PREX2: variants seen among roughly 807,000 people sequenced by gnomAD.
PREX2 encodes the protein phosphatidylinositol-3,4,5-trisphosphate dependent Rac exchange factor 2.
In PREX2, 107 loss-of-function variants were observed where a neutral mutation model predicts 203.2. That is an observed-to-expected ratio of 0.53 (90% CI 0.45 to 0.62). The LOEUF (loss-of-function observed/expected upper bound fraction) is 0.62. Among genes scored for constraint, PREX2 ranks in the 20% least tolerant of loss-of-function variants. PREX2 has a pLI of 0.00. For missense variants in PREX2, 1,777 were observed against 1,955.9 expected, an observed-to-expected ratio of 0.91 and a Z score of 1.72; for synonymous variants, 672 against 663.6, an observed-to-expected ratio of 1.01 and a Z score of -0.19.
intron 11 of PREX2, 103 bp downstream of exon 11, chr8:68,060,882 CTTG>C: frequency 1.3e-6 from 1 of 763,504 alleles, no homozygotes; most frequent in South Asian, 1.9e-5. Context: ...TTATAGGATG[CTTG>C]TTGTTTTTAA....
At chr8:68,192,048 C>A (rs1359657010) in intron 36 of PREX2, among the ~76,000 whole-genome samples, 2 of 152,166 alleles carry the variant, frequency 1.3e-5, no homozygotes, top group African/African-American at 4.8e-5. Flanking sequence ...ATCAACCCAT[C>A]ACCTACATTA....
At chr8:68,161,018 A>G (rs1811642300) in intron 35 of PREX2, among the ~76,000 whole-genome samples, 2 of 152,184 alleles carry the variant, frequency 1.3e-5, no homozygotes. Flanking sequence ...AATCTTAATC[A>G]GCTTTGACCA....
intron 7 of PREX2, among the ~76,000 whole-genome samples, chr8:68,043,649 C>A (rs1032184092): frequency 1.3e-5 from 2 of 152,018 alleles, no homozygotes; most frequent in Admixed American, 1.3e-4. Flanking sequence ...ATGGAAATCT[C>A]TTGAGTGACT....
chr8:68,090,709 A>G lies in PREX2; in HGVS notation c.2244A>G (p.Pro748=), dbSNP rs1184732330. ...HVTACRKYRR[P]TKQDSIQWVY... is the part of the protein sequence containing the mutation. ...CAGCCTGCAGGAAGTACAGGCGGCC[A>G]ACGAAGGTAAGTGGCCCTTCAGATA... Residue 748 remains proline (P), a synonymous_variant, in exon 20 of 40, where the codon CCA becomes CCG. Transcript: ENST00000288368. 1.2e-6 allele frequency: 2 copies of G among 1,613,180 alleles called. No individual in the cohort carries two copies. Among genetic ancestry groups the G allele is most frequent in the Non-Finnish European group, 1.7e-6 (2 of 1,179,288 alleles).
At chr8:67,972,324 A>G (rs111859118) in intron 1 of PREX2, among the ~76,000 whole-genome samples, 85 of 152,330 alleles carry the variant, frequency 5.6e-4, no homozygotes, top group African/African-American at 1.9e-3. Context: ...TGTTTATGCC[A>G]TCAGATATAG....
In PREX2 at chr8:68,088,608, A is replaced by C. The variant is rs537023343; in HGVS notation, c.2113+799A>C. Among the ~76,000 whole-genome samples the C allele has an allele frequency of 1.0e-3, 147 of 141,648 alleles. 2 individuals are homozygous for C. In the Middle Eastern group the frequency reaches 0.015, roughly 15 times the overall value. The allele number at this position is 141,648 out of a possible 152,430, so 92.9% of individuals were successfully genotyped here. A position where few individuals can be genotyped will look rare whatever the true frequency, so the allele number is the denominator to read the frequency against. ...CAAATTTATCAAGGACATACTAGCT[A>C]GACCTTTATTATAACATTACTTTCA... On this transcript the variant is annotated intron_variant, in intron 19 of 39. Coordinates refer to ENST00000288368, the MANE Select transcript of PREX2 (RefSeq NM_024870.4).
intron 17 of PREX2, chr8:68,082,569 A>G (rs1809562518): frequency 6.6e-6 from 1 of 152,274 alleles, no homozygotes; most frequent in African/African-American, 2.4e-5. Context: ...GCACAGCTGC[A>G]TCTGACTATG....
At chr8:68,130,114 CAAAA>C (rs71253064) in intron 31 of PREX2, among the ~76,000 whole-genome samples, 1 of 102,672 alleles carries the variant, frequency 9.7e-6, no homozygotes, top group African/African-American at 3.8e-5. Context: ...CCTGCCTCTG[CAAAA>C]AAAAAAAAAA....
chr8:68,156,339 T>C (rs1240059451), intron 34 of PREX2, among the ~76,000 whole-genome samples: 1 of 152,194 alleles, frequency 6.6e-6, no homozygotes, highest in Non-Finnish European at 1.5e-5. Flanking sequence ...GCTGGAATTA[T>C]AGGCATGAGC....
At chr8:68,223,497 A>G (rs1460969841) in intron 38 of PREX2, 1 of 152,116 alleles carries the variant, frequency 6.6e-6, no homozygotes, top group African/African-American at 2.4e-5. Context: ...TTTTGATGCC[A>G]CACCCCCTTC....
intron 23 of PREX2, chr8:68,101,326 T>C: frequency 1.9e-6 from 1 of 518,364 alleles, no homozygotes; most frequent in South Asian, 1.4e-5. Flanking sequence ...CATGATTTTT[T>C]CCTTTAAACA....
intron 35 of PREX2, chr8:68,176,727 T>A (rs1330874469): frequency 1.3e-5 from 2 of 151,394 alleles, no homozygotes; most frequent in African/African-American, 2.4e-5. Flanking sequence ...CTTTCGTGAG[T>A]TTTTCGGCAG....
chr8:68,204,871 C>T (rs574160079), intron 37 of PREX2, among the ~76,000 whole-genome samples: 303 of 151,466 alleles, frequency 2.0e-3, no homozygotes, highest in South Asian at 4.0e-3. Context: ...TTAGTAGAGA[C>T]GGGGTTTCAC....
chr8:68,176,779 C>CAATTGTATAAACTGTAATGTATT, intron 35 of PREX2: 1 of 152,190 alleles, frequency 6.6e-6, no homozygotes, highest in Admixed American at 6.5e-5. Context: ...AAGAGTTTCT[C>CAATTGTATAAACTGTAATGTATT]CAGGGTGCTT....
chr8:67,977,954 G>A (rs1444458430), intron 1 of PREX2, among the ~76,000 whole-genome samples: 2 of 152,148 alleles, frequency 1.3e-5, no homozygotes, highest in Non-Finnish European at 2.9e-5. Context: ...GTAAGCGTAG[G>A]TGTTTCCCTG....
At chr8:68,229,331 A>C (rs1813121120) in intron 39 of PREX2, among the ~76,000 whole-genome samples, 1 of 152,188 alleles carries the variant, frequency 6.6e-6, no homozygotes, top group Non-Finnish European at 1.5e-5. Context: ...AAGGGCCCCA[A>C]ATGATGGGCA....
At chr8:68,046,215 C>T (rs980806042) in intron 8 of PREX2, among the ~76,000 whole-genome samples, 3 of 152,042 alleles carry the variant, frequency 2.0e-5, no homozygotes, top group Non-Finnish European at 4.4e-5. Flanking sequence ...CCCACTTTCT[C>T]CCTTTACTCC....
At chr8:68,214,431 G>A (rs937905273) in intron 37 of PREX2, among the ~76,000 whole-genome samples, 2 of 152,234 alleles carry the variant, frequency 1.3e-5, no homozygotes, top group Non-Finnish European at 2.9e-5. Flanking sequence ...TTGAATGAGG[G>A]TTCCTGGCCT....
chr8:68,073,303 AT>A (rs1481643630), intron 14 of PREX2, among the ~76,000 whole-genome samples: 1 of 151,538 alleles, frequency 6.6e-6, no homozygotes, highest in Non-Finnish European at 1.5e-5. Context: ...TGAACTTACT[AT>A]TTTGGGGGAG....
Sources: allele counts gnomAD v4.1 joint callset (sites outside exome capture counted in the v4.1 genomes callset), GRCh38; gene constraint gnomAD v4.1.1; transcripts MANE v1.5; gene names NCBI Gene and HGNC (gene_info 2026-07-23, HGNC 2026-07-21).